ADAMTSL3: variants seen among roughly 807,000 people sequenced by gnomAD.
ADAMTSL3 encodes ADAMTS like 3.
A neutral mutation model predicts 201.7 loss-of-function variants in ADAMTSL3; 128 were observed. That is an observed-to-expected ratio of 0.63 (90% CI 0.55 to 0.73). ADAMTSL3 has a LOEUF of 0.73. Ranked by LOEUF, ADAMTSL3 falls within the 30% of genes least tolerant of loss-of-function variation. The probability of loss-of-function intolerance (pLI) is 0.00; values close to 1 mark genes in which losing one functional copy is unlikely to be tolerated. For missense variants in ADAMTSL3, 1,990 were observed against 2,119.6 expected, an observed-to-expected ratio of 0.94 and a Z score of 1.20; for synonymous variants, 738 against 748.4, an observed-to-expected ratio of 0.99 and a Z score of 0.23.
intron 15 of ADAMTSL3, among the ~76,000 whole-genome samples, chr15:83,902,094 ATCTT>A (rs1463566127): frequency 1.3e-5 from 2 of 152,128 alleles, no homozygotes. Flanking sequence ...ATTTACTAAA[ATCTT>A]TCTTGGTTCC....
intron 5 of ADAMTSL3, among the ~76,000 whole-genome samples, chr15:83,818,036 A>G (rs2063796270): frequency 6.6e-6 from 1 of 152,184 alleles, no homozygotes; most frequent in South Asian, 2.1e-4. Context: ...AACGAAAACA[A>G]TGAAGTTATA....
At chr15:83,897,143 A>C (rs371933480) in intron 13 of ADAMTSL3, among the ~76,000 whole-genome samples, 1 of 152,202 alleles carries the variant, frequency 6.6e-6, no homozygotes, top group South Asian at 2.1e-4. Flanking sequence ...TTGAAAAGCT[A>C]TTCTAGATTT....
chr15:83,952,837 A>T (rs2066783433), intron 19 of ADAMTSL3, among the ~76,000 whole-genome samples: 1 of 151,338 alleles, frequency 6.6e-6, no homozygotes, highest in Non-Finnish European at 1.5e-5. Flanking sequence ...AAACATTGTT[A>T]TATCCCCTTG....
intron 2 of ADAMTSL3, among the ~76,000 whole-genome samples, chr15:83,695,219 G>A (rs58010963): frequency 0.16 from 521 of 3,206 alleles, 224 homozygotes; most frequent in East Asian, 0.83. Flanking sequence ...GTGTGTGTGT[G>A]TGTGTGTAAT....
At chr15:83,670,586 C>T (rs2061318580) in intron 2 of ADAMTSL3, among the ~76,000 whole-genome samples, 1 of 152,068 alleles carries the variant, frequency 6.6e-6, no homozygotes, top group Admixed American at 6.5e-5. Flanking sequence ...TTTTCTTTTC[C>T]ATTCTATTTC....
At chr15:83,864,191 G>C (rs1400146626) in intron 8 of ADAMTSL3, among the ~76,000 whole-genome samples, 3 of 152,196 alleles carry the variant, frequency 2.0e-5, no homozygotes, top group Non-Finnish European at 2.9e-5. Context: ...AGTACAAGGA[G>C]GAGCTGGTAC....
intron 3 of ADAMTSL3, 84 bp downstream of exon 3, chr15:83,704,592 A>G: frequency 6.5e-7 from 1 of 1,548,210 alleles, no homozygotes. Flanking sequence ...CTTCAAAGTA[A>G]TTATATTTTC....
intron 7 of ADAMTSL3, among the ~76,000 whole-genome samples, chr15:83,848,827 G>A (rs1191382429): frequency 6.6e-6 from 1 of 152,190 alleles, no homozygotes; most frequent in Non-Finnish European, 1.5e-5. Flanking sequence ...GCTCAACATG[G>A]TTTTAATAAT....
At chr15:83,755,014 C>T (rs529701507) in intron 3 of ADAMTSL3, among the ~76,000 whole-genome samples, 75 of 152,282 alleles carry the variant, frequency 4.9e-4, no homozygotes, top group African/African-American at 1.7e-3. Flanking sequence ...ATATGTTCCA[C>T]ACCCTAATTT....
rs2142036082 is a variant in ADAMTSL3, at chr15:83,942,692, C to A, written c.2214C>A (p.Ala738=). 1 of 1,614,090 alleles carries A rather than the reference C, an allele frequency of 6.2e-7. No individual in the cohort carries two copies. Among genetic ancestry groups the A allele is most frequent in the Non-Finnish European group, 8.5e-7 (1 of 1,179,988 alleles). Residue 738 remains alanine (A), a synonymous_variant, in exon 18 of 30, where the codon GCC becomes GCA. Transcript: ENST00000286744. Reference sequence around the variant, plus strand: ...GCCTGCACCCAGGGGAGACCCCTGCCCCTCCTGAGGAGTGCCGAGATGAAA... The same window carrying A: ...GCCTGCACCCAGGGGAGACCCCTGCACCTCCTGAGGAGTGCCGAGATGAAA... ...VYCLHPGETP[A]PPEECRDEKP... is the part of the protein sequence containing the mutation.
At chr15:84,028,118 T>C (rs1376671557) in intron 27 of ADAMTSL3, among the ~76,000 whole-genome samples, 2 of 152,188 alleles carry the variant, frequency 1.3e-5, no homozygotes, top group African/African-American at 2.4e-5. Flanking sequence ...TAGGAGTGAC[T>C]GTTAAAGGTA....
At chr15:83,917,396 A>C (rs2066052431) in intron 16 of ADAMTSL3, among the ~76,000 whole-genome samples, 1 of 150,580 alleles carries the variant, frequency 6.6e-6, no homozygotes, top group African/African-American at 2.4e-5. Context: ...TCCAGACACC[A>C]ATCTCCAGCT....
chr15:83,677,964 C>G (rs1567066328), intron 2 of ADAMTSL3, among the ~76,000 whole-genome samples: 1 of 150,826 alleles, frequency 6.6e-6, no homozygotes, highest in African/African-American at 2.4e-5. Flanking sequence ...CTGTCTCTCT[C>G]TATTTCTCTC....
chr15:83,836,350 C>T (rs2064268002), intron 6 of ADAMTSL3, among the ~76,000 whole-genome samples: 1 of 152,206 alleles, frequency 6.6e-6, no homozygotes, highest in South Asian at 2.1e-4. Flanking sequence ...CAAAAGTAGA[C>T]CCTTTCCTCA....
chr15:83,874,188 A>G (rs2065135236), intron 9 of ADAMTSL3, among the ~76,000 whole-genome samples: 1 of 126,386 alleles, frequency 7.9e-6, no homozygotes, highest in South Asian at 2.2e-4. Flanking sequence ...GCAGCGAGCC[A>G]TGAAATTCAT....
At chr15:83,875,444 A>G (rs1329521760) in intron 9 of ADAMTSL3, among the ~76,000 whole-genome samples, 1 of 152,156 alleles carries the variant, frequency 6.6e-6, no homozygotes, top group East Asian at 1.9e-4. Flanking sequence ...TGAGCAGAAC[A>G]CTCATGGGTC....
intron 4 of ADAMTSL3, among the ~76,000 whole-genome samples, chr15:83,793,858 G>A (rs2063381471): frequency 6.6e-6 from 1 of 152,198 alleles, no homozygotes. Context: ...AATGAGAGCA[G>A]TGGTATTGGC....
intron 4 of ADAMTSL3, among the ~76,000 whole-genome samples, chr15:83,789,111 G>A (rs890261088): frequency 6.6e-6 from 1 of 152,000 alleles, no homozygotes; most frequent in East Asian, 1.9e-4. Context: ...ACACCCAGCC[G>A]TGTTCCTCTG....
At chr15:83,703,989 TCTCA>T (rs1355547385) in intron 2 of ADAMTSL3, among the ~76,000 whole-genome samples, 4 of 131,336 alleles carry the variant, frequency 3.0e-5, no homozygotes, top group East Asian at 2.2e-4. Flanking sequence ...AATTTTTGTT[TCTCA>T]CTCCTTTGCC....
Sources: allele counts gnomAD v4.1 joint callset (sites outside exome capture counted in the v4.1 genomes callset), GRCh38; gene constraint gnomAD v4.1.1; transcripts MANE v1.5; gene names NCBI Gene and HGNC (gene_info 2026-07-23, HGNC 2026-07-21).